The following AP3S1 variants were observed in gnomAD, a reference collection of about 807,000 sequenced individuals.
AP3S1 encodes AP-3 complex subunit sigma-1.
In AP3S1, 12 loss-of-function variants were observed where a neutral mutation model predicts 21.3. That is an observed-to-expected ratio of 0.56 (90% CI 0.36 to 0.91). The LOEUF is 0.91. Among genes scored for constraint, AP3S1 ranks in the 40% least tolerant of loss-of-function variants. AP3S1 has a pLI of 0.01. For synonymous variants in AP3S1, 48 were observed against 78.4 expected (o/e 0.61, Z 2.05); for missense variants, 116 against 225.0 (o/e 0.52, Z 3.10).
intron 2 of AP3S1, among the ~76,000 whole-genome samples, chr5:115,869,784 G>T (rs909959072): frequency 3.9e-5 from 6 of 152,202 alleles, no homozygotes; most frequent in African/African-American, 1.4e-4. Context: ...TCAGAGAATA[G>T]TTTAATGAAT....
rs1748448986 is a variant in AP3S1, at chr5:115,873,466, GA to G, written c.273+3339del. ...CAATACCCCTGAGTTACCACATGCTGATGTATTGTGTCACAAAAAAGAAGAT... is the reference window on the plus strand; with the variant it reads ...CAATACCCCTGAGTTACCACATGCTGTGTATTGTGTCACAAAAAAGAAGAT... On this transcript the variant is annotated intron_variant, in intron 3 of 5. Coordinates refer to ENST00000316788, the MANE Select transcript of AP3S1 (RefSeq NM_001284.4). 1.3e-5 allele frequency among the ~76,000 whole-genome samples: 2 copies of G among 152,088 alleles called. 1 individual carries two copies. The highest frequency in any genetic ancestry group is 4.1e-4 in the South Asian group (2 of 4,832).
At chr5:115,906,804 A>G in intron 5 of AP3S1, 1 of 1,496,612 alleles carries the variant, frequency 6.7e-7, no homozygotes, top group Non-Finnish European at 8.9e-7. Flanking sequence ...AGCTCTTTCC[A>G]TTCTTCTCTC....
chr5:115,874,831 G>T (rs964125777), intron 3 of AP3S1, among the ~76,000 whole-genome samples: 1 of 151,950 alleles, frequency 6.6e-6, no homozygotes, highest in Admixed American at 6.6e-5. Flanking sequence ...TTGTTAGAAA[G>T]ACCTGTGAAT....
At chr5:115,853,966 T>C (rs1007302167) in intron 1 of AP3S1, among the ~76,000 whole-genome samples, 4 of 152,200 alleles carry the variant, frequency 2.6e-5, no homozygotes, top group Non-Finnish European at 4.4e-5. Flanking sequence ...ACTCAGTAAT[T>C]TATAGTGAAC....
At chr5:115,891,087 T>A (rs865778638) in intron 3 of AP3S1, among the ~76,000 whole-genome samples, 6 of 152,182 alleles carry the variant, frequency 3.9e-5, no homozygotes, top group African/African-American at 1.4e-4. Flanking sequence ...ATGAGTAAAG[T>A]CATTTCAGGC....
chr5:115,904,818 T>G (rs1435708361), intron 5 of AP3S1, among the ~76,000 whole-genome samples: 3 of 151,464 alleles, frequency 2.0e-5, no homozygotes, highest in Non-Finnish European at 4.4e-5. Context: ...TGCAAAACTG[T>G]ATGGTTATAG....
intron 3 of AP3S1, among the ~76,000 whole-genome samples, chr5:115,890,517 C>T (rs1276966681): frequency 6.6e-6 from 1 of 152,072 alleles, no homozygotes; most frequent in Non-Finnish European, 1.5e-5. Context: ...GACTGATGGA[C>T]TCTGAGAAGG....
chr5:115,878,892 C>G (rs1749010809), intron 3 of AP3S1, among the ~76,000 whole-genome samples: 1 of 152,130 alleles, frequency 6.6e-6, no homozygotes, highest in Non-Finnish European at 1.5e-5. Flanking sequence ...GTTTGTAATT[C>G]TCCTTGAAGA....
intron 1 of AP3S1, among the ~76,000 whole-genome samples, chr5:115,851,878 A>G (rs1441847242): frequency 6.6e-6 from 1 of 152,022 alleles, no homozygotes; most frequent in African/African-American, 2.4e-5. Context: ...TTTTGGTATC[A>G]TACCCAGAAA....
At chr5:115,886,577 G>T (rs1049672255) in intron 3 of AP3S1, among the ~76,000 whole-genome samples, 1 of 152,092 alleles carries the variant, frequency 6.6e-6, no homozygotes, top group Non-Finnish European at 1.5e-5. Flanking sequence ...CAAAAAATGT[G>T]TACTAGTCGA....
At chr5:115,890,116 C>G (rs1030626013) in intron 3 of AP3S1, among the ~76,000 whole-genome samples, 1 of 152,134 alleles carries the variant, frequency 6.6e-6, no homozygotes, top group Non-Finnish European at 1.5e-5. Context: ...TTAACCTACA[C>G]GACTCTTTGA....
At chr5:115,908,928 A>ACC (rs1484629661) in intron 5 of AP3S1, 1 of 943,770 alleles carries the variant, frequency 1.1e-6, no homozygotes, top group African/African-American at 1.8e-5. Context: ...TGAGTCTGAA[A>ACC]CCATTTAATA....
intron 5 of AP3S1, among the ~76,000 whole-genome samples, chr5:115,908,377 T>G (rs1008218785): frequency 6.6e-6 from 1 of 152,166 alleles, no homozygotes; most frequent in Non-Finnish European, 1.5e-5. Context: ...CAAGTTTCTG[T>G]TTTCAAAGAG....
At chr5:115,910,002 G>T (rs1416969906) in intron 5 of AP3S1, among the ~76,000 whole-genome samples, 1 of 152,108 alleles carries the variant, frequency 6.6e-6, no homozygotes, top group Non-Finnish European at 1.5e-5. Flanking sequence ...ACTGGCTCAC[G>T]CCTATAATAC....
chr5:115,912,761 T>A (rs1477383802), intron 5 of AP3S1, among the ~76,000 whole-genome samples: 1 of 152,098 alleles, frequency 6.6e-6, no homozygotes, highest in Non-Finnish European at 1.5e-5. Flanking sequence ...AGAACTATAT[T>A]CTTTGGATTG....
At chr5:115,872,140 C>T (rs1748317985) in intron 3 of AP3S1, among the ~76,000 whole-genome samples, 1 of 152,056 alleles carries the variant, frequency 6.6e-6, no homozygotes, top group Non-Finnish European at 1.5e-5. Context: ...CCCATCTCTA[C>T]AAAAATTAGA....
At chr5:115,875,540 G>T (rs1454057234) in intron 3 of AP3S1, among the ~76,000 whole-genome samples, 1 of 152,140 alleles carries the variant, frequency 6.6e-6, no homozygotes, top group Non-Finnish European at 1.5e-5. Flanking sequence ...AAAACCGACT[G>T]TCCAGCACTT....
intron 1 of AP3S1, among the ~76,000 whole-genome samples, chr5:115,858,735 A>G (rs1762961346): frequency 6.6e-6 from 1 of 151,024 alleles, no homozygotes; most frequent in African/African-American, 2.4e-5. Context: ...AAATTTCTCC[A>G]TATATTTTAA....
intron 3 of AP3S1, among the ~76,000 whole-genome samples, chr5:115,892,166 A>G (rs1332764312): frequency 6.6e-6 from 1 of 152,216 alleles, no homozygotes; most frequent in Non-Finnish European, 1.5e-5. Context: ...GCAATAATAA[A>G]TGCTGGCAAG....
Sources: gnomAD v4.1 joint callset for allele counts (sites outside exome capture counted in the v4.1 genomes callset) on GRCh38, gnomAD v4.1.1 for gene constraint, MANE v1.5 for transcripts, NCBI Gene and HGNC (gene_info 2026-07-23, HGNC 2026-07-21) for gene names.